QRFPR: variants seen among roughly 807,000 people sequenced by gnomAD.
The protein encoded by QRFPR is pyroglutamylated RF-amide peptide receptor.
Under a neutral mutation model 31.3 loss-of-function variants are expected in QRFPR, and 37 were observed. The observed-to-expected ratio is 1.18, with a 90% CI of 0.91 to 1.56. QRFPR has a LOEUF of 1.56. Ranked by LOEUF, QRFPR falls within the 40% of genes most tolerant of loss-of-function variation. The pLI is 0.00. For missense variants in QRFPR, 542 were observed against 532.5 expected (o/e 1.02, Z -0.18); for synonymous variants, 197 against 192.0 (o/e 1.03, Z -0.22).
At chr4:121,347,274 G>C (rs1030408214) in intron 1 of QRFPR, among the ~76,000 whole-genome samples, 3 of 152,082 alleles carry the variant, frequency 2.0e-5, no homozygotes, top group Non-Finnish European at 4.4e-5. Context: ...CAATAAAAAA[G>C]AATAGGTGCC....
chr4:121,370,353 CTGAGATCCAGGTGT>C, intron 1 of QRFPR: 1 of 750,416 alleles, frequency 1.3e-6, no homozygotes. Context: ...CATTGAAAGG[CTGAGATCCAGGTGT>C]TTTTTCTATA....
chr4:121,336,431 A>C (rs1725437947), intron 3 of QRFPR, among the ~76,000 whole-genome samples: 1 of 152,234 alleles, frequency 6.6e-6, no homozygotes, highest in Admixed American at 6.5e-5. Flanking sequence ...TAGATAATTT[A>C]TTACAATTTT....
chr4:121,330,375 T>C (rs770432389), intron 5 of QRFPR, 51 bp downstream of exon 5: 28 of 1,232,768 alleles, frequency 2.3e-5, no homozygotes, highest in Admixed American at 8.5e-5. Context: ...TTGTCTATTC[T>C]AGCAGGAAAT....
chr4:121,373,829 C>T (rs1726299043), intron 1 of QRFPR, among the ~76,000 whole-genome samples: 1 of 152,224 alleles, frequency 6.6e-6, no homozygotes, highest in South Asian at 2.1e-4. Flanking sequence ...AAAACACACC[C>T]TAACATTTCA....
At chr4:121,343,115 G>A (rs180762655) in intron 1 of QRFPR, among the ~76,000 whole-genome samples, 1 of 152,184 alleles carries the variant, frequency 6.6e-6, no homozygotes, top group Non-Finnish European at 1.5e-5. Context: ...ATATGGCTTG[G>A]CCAAGGCAGA....
chr4:121,332,842 T>G lies in QRFPR; in HGVS notation c.776A>C (p.Lys259Thr). The change falls in exon 4 of 6, where the codon AAA becomes ACA. Residue 259 changes from lysine (K) to threonine (T), a missense_variant. Coordinates refer to ENST00000394427, the MANE Select transcript of QRFPR (RefSeq NM_198179.3). The part of the protein sequence containing the change: ...DGSVLRTIHG[K>T]EMSKIARKKK... The stretch of plus-strand genomic sequence containing the variant: ...AGACCTGGCTATTTTGGACATTTCT[T>G]TTCCATGAATAGTTCGAAGCACTGA... 6.2e-7 allele frequency: 1 copy of G among 1,613,662 alleles called. No individual in the cohort carries two copies. The highest frequency in any genetic ancestry group is 8.5e-7 in the Non-Finnish European group (1 of 1,179,598).
At chr4:121,369,389 C>G (rs1288020933) in intron 1 of QRFPR, 1 of 705,104 alleles carries the variant, frequency 1.4e-6, no homozygotes, top group African/African-American at 1.8e-5. Context: ...CAGTGGAGTG[C>G]AAGAAACCTT....
intron 1 of QRFPR, among the ~76,000 whole-genome samples, chr4:121,359,109 T>C (rs1725929753): frequency 1.3e-5 from 2 of 152,158 alleles, no homozygotes; most frequent in African/African-American, 4.8e-5. Context: ...GAATAGGCCT[T>C]ACAAAGGAAG....
chr4:121,335,585 T>A lies in QRFPR; in HGVS notation c.561+1222A>T, dbSNP rs796898780. On this transcript the variant is annotated intron_variant, in intron 3 of 5. Transcript: ENST00000394427. ...AGCCAATTGTATGGGGGGTGGGGGG[T>A]GGGGCGGGGAGAGGAGTGGGGCAGG... Among the ~76,000 whole-genome samples, 239 of 48,464 alleles carry A rather than the reference T, an allele frequency of 4.9e-3. 7 individuals are homozygous for A. The highest frequency in any genetic ancestry group is 0.016 in the African/African-American group (231 of 14,364). The allele number at this position is 48,464 out of a possible 152,430, so 31.8% of individuals were successfully genotyped here. A position where few individuals can be genotyped will look rare whatever the true frequency, so the allele number is the denominator to read the frequency against.
At chr4:121,343,288 AC>A (rs1725579108) in intron 1 of QRFPR, among the ~76,000 whole-genome samples, 1 of 152,180 alleles carries the variant, frequency 6.6e-6, no homozygotes, top group Non-Finnish European at 1.5e-5. Flanking sequence ...CATTTTGTTA[AC>A]CCAAGACTCC....
chr4:121,369,095 C>T (rs1443732721), intron 1 of QRFPR, among the ~76,000 whole-genome samples: 1 of 152,112 alleles, frequency 6.6e-6, no homozygotes, highest in Admixed American at 6.5e-5. Flanking sequence ...ATGGCGTGAT[C>T]TCGGCTCACT....
intron 1 of QRFPR, among the ~76,000 whole-genome samples, chr4:121,360,134 C>A (rs73845779): frequency 0.017 from 2,579 of 152,196 alleles, 86 homozygotes; most frequent in African/African-American, 0.059. Context: ...GTGTTTACTA[C>A]AGTAACAAAA....
intron 4 of QRFPR, among the ~76,000 whole-genome samples, chr4:121,332,175 T>C (rs1725339778): frequency 6.6e-6 from 1 of 152,202 alleles, no homozygotes. Context: ...GGCTTTTTTT[T>C]GCTTTGTTTC....
intron 1 of QRFPR, among the ~76,000 whole-genome samples, chr4:121,377,928 TTATCC>T (rs1156476790): frequency 2.6e-5 from 4 of 152,210 alleles, no homozygotes; most frequent in African/African-American, 4.8e-5. Flanking sequence ...TTTGCCATGA[TTATCC>T]TGTCCTATAA....
At chr4:121,346,566 G>A (rs1197403991) in intron 1 of QRFPR, among the ~76,000 whole-genome samples, 2 of 152,156 alleles carry the variant, frequency 1.3e-5, no homozygotes, top group Non-Finnish European at 2.9e-5. Flanking sequence ...TTTACTTTGA[G>A]TGCAATTTTG....
At chr4:121,336,767 T>G (rs769734276) in intron 3 of QRFPR, 40 bp downstream of exon 3, 1 of 1,475,170 alleles carries the variant, frequency 6.8e-7, no homozygotes, top group Admixed American at 1.7e-5. Context: ...GGTGAGAAAA[T>G]AGTTCAACAA....
At chr4:121,377,827 C>T (rs1035017288) in intron 1 of QRFPR, among the ~76,000 whole-genome samples, 1 of 152,148 alleles carries the variant, frequency 6.6e-6, no homozygotes, top group Admixed American at 6.5e-5. Context: ...GATAGGAGAT[C>T]CTCAATAGCT....
chr4:121,352,672 T>TG (rs1487497776), intron 1 of QRFPR, among the ~76,000 whole-genome samples: 1 of 152,204 alleles, frequency 6.6e-6, no homozygotes, highest in Admixed American at 6.5e-5. Flanking sequence ...GATCAAATCA[T>TG]GGTCACTGGG....
chr4:121,353,589 G>A (rs1725804532), intron 1 of QRFPR, among the ~76,000 whole-genome samples: 1 of 151,964 alleles, frequency 6.6e-6, no homozygotes, highest in Admixed American at 6.6e-5. Flanking sequence ...AACTGTTTGA[G>A]CTCCTTCTAT....
Sources: gnomAD v4.1 joint callset for allele counts (sites outside exome capture counted in the v4.1 genomes callset) on GRCh38, gnomAD v4.1.1 for gene constraint, MANE v1.5 for transcripts, NCBI Gene and HGNC (gene_info 2026-07-23, HGNC 2026-07-21) for gene names.